Variants in BEND5 observed in about 807,000 individuals in gnomAD.
BEND5 encodes BEN domain containing 5, also known as BEN domain-containing protein 5.
BEND5 carries 22 observed loss-of-function variants against 43.9 expected under a neutral mutation model. The ratio of observed to expected loss-of-function variants is 0.50; its 90% CI spans 0.36 to 0.72. The LOEUF is 0.72. Among genes scored for constraint, BEND5 ranks in the 30% least tolerant of loss-of-function variants. BEND5 has a pLI of 0.00. For missense variants in BEND5, 428 were observed against 550.6 expected (o/e 0.78, Z 2.23); for synonymous variants, 228 against 225.9 (o/e 1.01, Z -0.08).
intron 3 of BEND5, among the ~76,000 whole-genome samples, chr1:48,744,774 G>C (rs1570461964): frequency 6.6e-6 from 1 of 152,094 alleles, no homozygotes; most frequent in Non-Finnish European, 1.5e-5. Context: ...CCTCCATAAG[G>C]CCCAGAACAA....
rs146947443 is a variant in BEND5, at chr1:48,730,013, C to A, written c.1109-1970G>T. On this transcript the variant is annotated intron_variant, in intron 5 of 5. Transcript: ENST00000371833. ...TGCTCATCTCTGCTTAAGTCCTCAC[C>A]CTTCACCTGCCTAAGCTCTACTCAT... Among the ~76,000 whole-genome samples the A allele has an allele frequency of 4.5e-3, 686 of 152,232 alleles. 4 individuals are homozygous for A. The highest frequency in any genetic ancestry group is 0.016 in the African/African-American group (664 of 41,532).
intron 5 of BEND5, among the ~76,000 whole-genome samples, chr1:48,733,899 A>C (rs1416590800): frequency 6.6e-6 from 1 of 152,226 alleles, no homozygotes; most frequent in Non-Finnish European, 1.5e-5. Flanking sequence ...TGAATCAGAT[A>C]CAGTCCCCAG....
Position 48,755,877 on chromosome 1 carries a change from T to C in BEND5, c.745+3023A>G, listed in dbSNP as rs113909638. Among the ~76,000 whole-genome samples, 480 of 152,342 alleles carry C rather than the reference T, an allele frequency of 3.2e-3. 8 individuals carry two copies. The highest frequency in any genetic ancestry group is 0.026 in the South Asian group (125 of 4,832). On this transcript the variant is annotated intron_variant, in intron 3 of 5. Coordinates refer to ENST00000371833, the MANE Select transcript of BEND5 (RefSeq NM_024603.4). ...CATTTGGTCAATGTTAGCTGACTGA[T>C]TGAATAAACAAATGAACAAACATAT...
chr1:48,761,563 A>G (rs1251928180), intron 1 of BEND5, 93 bp from the exon 2 acceptor site: 23 of 1,319,342 alleles, frequency 1.7e-5, no homozygotes, highest in African/African-American at 8.9e-5. Flanking sequence ...CTAGAAAATA[A>G]TTGAGGCCAG....
intron 5 of BEND5, among the ~76,000 whole-genome samples, chr1:48,732,924 C>T (rs17104732): frequency 1.3e-5 from 2 of 152,146 alleles, no homozygotes; most frequent in African/African-American, 4.8e-5. Context: ...GCGTGCAGAA[C>T]AGGTTTCTCA....
At chr1:48,751,196 C>G (rs1408540747) in intron 3 of BEND5, among the ~76,000 whole-genome samples, 1 of 152,164 alleles carries the variant, frequency 6.6e-6, no homozygotes, top group Non-Finnish European at 1.5e-5. Context: ...CAATTGGTAT[C>G]TTGAGGCCAT....
At position 48,763,343 on chromosome 1, in the gene BEND5, C is replaced by T. The variant is rs1157983655; in HGVS notation, c.227-1873G>A. 1.6e-4 allele frequency among the ~76,000 whole-genome samples: 25 copies of T among 152,144 alleles called. 1 individual carries two copies. The highest frequency in any genetic ancestry group is 1.6e-3 in the Admixed American group (25 of 15,278). ...TTAGGCATGAACAACAATAGGGACT[C>T]AGGGTTTTCTAAAAGAGCAACAGTT... On this transcript the variant is annotated intron_variant, in intron 1 of 5. Transcript: ENST00000371833.
chr1:48,740,353 C>T (rs866193777), intron 4 of BEND5, among the ~76,000 whole-genome samples: 4 of 152,192 alleles, frequency 2.6e-5, no homozygotes, highest in Non-Finnish European at 1.5e-5. Flanking sequence ...TGCCTCTAAC[C>T]TGTTATGTAA....
At chr1:48,770,650 C>T (rs147441086) in intron 1 of BEND5, among the ~76,000 whole-genome samples, 2 of 152,284 alleles carry the variant, frequency 1.3e-5, no homozygotes, top group Non-Finnish European at 2.9e-5. Flanking sequence ...GACATATCCA[C>T]CCAGATGTTC....
At chr1:48,767,001 A>C (rs1570592176) in intron 1 of BEND5, among the ~76,000 whole-genome samples, 1 of 152,338 alleles carries the variant, frequency 6.6e-6, no homozygotes, top group East Asian at 1.9e-4. Flanking sequence ...TCTGCTCTCT[A>C]TGCCATCCTA....
intron 4 of BEND5, among the ~76,000 whole-genome samples, chr1:48,737,548 C>T (rs1649264854): frequency 6.6e-6 from 1 of 152,128 alleles, no homozygotes; most frequent in Non-Finnish European, 1.5e-5. Context: ...CCTTCTGGCT[C>T]AAAACACCTA....
At chr1:48,744,049 G>A (rs1317658825) in intron 3 of BEND5, among the ~76,000 whole-genome samples, 1 of 152,174 alleles carries the variant, frequency 6.6e-6, no homozygotes. Context: ...GAGATTTCAG[G>A]TCCCATTCCT....
intron 5 of BEND5, among the ~76,000 whole-genome samples, chr1:48,735,083 G>T (rs537652122): frequency 2.3e-4 from 35 of 152,242 alleles, no homozygotes; most frequent in Admixed American, 2.0e-3. Context: ...CCAACAGTAG[G>T]GTTGCTATGA....
chr1:48,751,254 T>A (rs1424241561), intron 3 of BEND5, among the ~76,000 whole-genome samples: 1 of 152,142 alleles, frequency 6.6e-6, no homozygotes, highest in Non-Finnish European at 1.5e-5. Flanking sequence ...GCTTTTAAAT[T>A]AAGCAGGAAA....
At chr1:48,775,237 G>C (rs539333968) in intron 1 of BEND5, among the ~76,000 whole-genome samples, 3 of 152,246 alleles carry the variant, frequency 2.0e-5, no homozygotes, top group Admixed American at 2.0e-4. Context: ...TATGGATAGA[G>C]CCTGTCAAAA....
intron 1 of BEND5, among the ~76,000 whole-genome samples, chr1:48,770,002 A>T (rs955569755): frequency 2.6e-5 from 4 of 152,296 alleles, no homozygotes; most frequent in Middle Eastern, 3.4e-3. Context: ...GCAGGGTTCC[A>T]TCCTAAAATA....
At chr1:48,733,928 C>G (rs777773358) in intron 5 of BEND5, among the ~76,000 whole-genome samples, 1 of 152,158 alleles carries the variant, frequency 6.6e-6, no homozygotes, top group Non-Finnish European at 1.5e-5. Flanking sequence ...AGGAGACACA[C>G]AGCAGATGAT....
chr1:48,736,436 C>T lies in BEND5; in HGVS notation c.911G>A (p.Gly304Glu). Reference sequence around the variant, plus strand: ...CCATTTCTCCTCATCAACCCAAATCCCGCTTCCCAGATGGACCTGAGAGGA... The same window carrying T: ...CCATTTCTCCTCATCAACCCAAATCTCGCTTCCCAGATGGACCTGAGAGGA... ...LDNGKVHLGS[G>E]IWVDEEKWHQ... Residue 304 changes from glycine to glutamate, a missense_variant, in exon 5 of 6, where the codon GGG (glycine) becomes GAG (glutamate). Around this residue, in one of 4 missense-constraint regions of BEND5, gnomAD observed 75 missense variants for 148.5 expected, o/e 0.50. Transcript: ENST00000371833. This position sits in a 1 kb window ranked among gnomAD's most constrained non-coding sequence, Gnocchi z 4.0. 1.2e-6 allele frequency: 2 copies of T among 1,614,148 alleles called. No individual in the cohort carries two copies. The highest frequency in any genetic ancestry group is 1.3e-5 in the African/African-American group (1 of 75,042).
At chr1:48,761,148 T>G in intron 2 of BEND5, 189 bp downstream of exon 2, 1 of 595,576 alleles carries the variant, frequency 1.7e-6, no homozygotes, top group Non-Finnish European at 2.9e-6. Flanking sequence ...GAATCAGGGC[T>G]CTCTAGAAAG....
Sources: allele counts gnomAD v4.1 joint callset (sites outside exome capture counted in the v4.1 genomes callset), GRCh38; gene constraint gnomAD v4.1.1; regional missense constraint gnomAD v4.1.1; non-coding constraint Gnocchi (gnomAD v3.1); transcripts MANE v1.5; gene names NCBI Gene and HGNC (gene_info 2026-07-23, HGNC 2026-07-21).